The following PTPRN2 variants were observed in gnomAD, a reference collection of about 807,000 sequenced individuals.
PTPRN2 encodes protein tyrosine phosphatase receptor type N2, also known as receptor-type tyrosine-protein phosphatase N2.
Under a neutral mutation model 118.8 loss-of-function variants are expected in PTPRN2, and 74 were observed. That is an observed-to-expected ratio of 0.62 (90% CI 0.52 to 0.76). The LOEUF (loss-of-function observed/expected upper bound fraction) is 0.76. Among genes scored for constraint, PTPRN2 ranks in the 30% least tolerant of loss-of-function variants. The probability of loss-of-function intolerance (pLI) is 0.00; values close to 1 mark genes in which losing one functional copy is unlikely to be tolerated. For missense variants in PTPRN2, 1,481 were observed against 1,394.4 expected (o/e 1.06, Z -0.99); for synonymous variants, 641 against 608.0 (o/e 1.05, Z -0.80).
intron 20 of PTPRN2, among the ~76,000 whole-genome samples, chr7:157,570,327 G>A (rs1799695154): frequency 6.6e-6 from 1 of 152,114 alleles, no homozygotes; most frequent in Non-Finnish European, 1.5e-5. Flanking sequence ...TACATTTGTG[G>A]GTAAAAAAGA....
intron 15 of PTPRN2, among the ~76,000 whole-genome samples, chr7:157,612,933 C>T (rs547610554): frequency 8.5e-4 from 130 of 152,320 alleles, no homozygotes; most frequent in Non-Finnish European, 1.1e-3. Context: ...GCCGAAGGCC[C>T]CGCCTCCCCG....
chr7:157,876,328 G>T (rs944008756), intron 12 of PTPRN2, among the ~76,000 whole-genome samples: 1 of 152,178 alleles, frequency 6.6e-6, no homozygotes, highest in African/African-American at 2.4e-5. Flanking sequence ...TTCTGGAAGC[G>T]AATTCCCAGC....
intron 13 of PTPRN2, 69 bp from the exon 14 acceptor site, chr7:157,656,620 G>A (rs938858610): frequency 7.3e-5 from 101 of 1,375,314 alleles, no homozygotes; most frequent in Non-Finnish European, 9.1e-5. Context: ...CGAGGGCCAC[G>A]GCACCCACGT....
chr7:157,790,050 TTG>T (rs1363647579), intron 12 of PTPRN2, among the ~76,000 whole-genome samples: 1 of 66,128 alleles, frequency 1.5e-5, no homozygotes, highest in African/African-American at 6.2e-5. Context: ...TGTGTGGTGT[TTG>T]TGTGGTGTGA....
At chr7:158,142,024 C>G (rs1819432667) in intron 6 of PTPRN2, among the ~76,000 whole-genome samples, 1 of 152,228 alleles carries the variant, frequency 6.6e-6, no homozygotes, top group Non-Finnish European at 1.5e-5. Context: ...GTTCGGCAGA[C>G]AGTGGCGGCT....
At chr7:158,302,158 G>A (rs1453990248) in intron 3 of PTPRN2, among the ~76,000 whole-genome samples, 1 of 152,188 alleles carries the variant, frequency 6.6e-6, no homozygotes, top group African/African-American at 2.4e-5. Context: ...ATTCAGGGTG[G>A]TGGGTACTGT....
At chr7:158,037,604 A>G (rs929956911) in intron 11 of PTPRN2, among the ~76,000 whole-genome samples, 6 of 152,268 alleles carry the variant, frequency 3.9e-5, no homozygotes, top group African/African-American at 9.6e-5. Context: ...GTATGTGATT[A>G]TAATCTTAGG....
chr7:158,169,642 T>A (rs1329251953), intron 5 of PTPRN2, among the ~76,000 whole-genome samples: 1 of 152,058 alleles, frequency 6.6e-6, no homozygotes, highest in African/African-American at 2.4e-5. Flanking sequence ...ACTTGACCCC[T>A]AAAGACTCAA....
At chr7:157,599,302 G>T (rs962097895) in intron 16 of PTPRN2, among the ~76,000 whole-genome samples, 1 of 152,150 alleles carries the variant, frequency 6.6e-6, no homozygotes, top group Non-Finnish European at 1.5e-5. Flanking sequence ...AAGCCACTGC[G>T]CCTGGCTTAC....
chr7:158,540,536 A>G (rs960283936), intron 1 of PTPRN2, among the ~76,000 whole-genome samples: 2 of 152,040 alleles, frequency 1.3e-5, no homozygotes, highest in South Asian at 4.1e-4. Context: ...GCACATGGCC[A>G]AGGGGGGGTT....
chr7:157,981,558 G>T (rs1223393703), intron 11 of PTPRN2, among the ~76,000 whole-genome samples: 1 of 152,000 alleles, frequency 6.6e-6, no homozygotes, highest in African/African-American at 2.4e-5. Context: ...CTTTCATTCA[G>T]TTAATTTAAC....
Position 157,784,922 on chromosome 7 carries a change from C to T in PTPRN2, c.1789-101985G>A, listed in dbSNP as rs961155833. On this transcript the variant is annotated intron_variant, in intron 12 of 22. Coordinates refer to ENST00000389418, the MANE Select transcript of PTPRN2 (RefSeq NM_002847.5). The surrounding 1 kb of genome is among the most constrained non-coding windows in gnomAD (Gnocchi z 4.6). ...GCAGCTGTTTCTCTGAGGAAACGCGCCCCTCCCCAGTGGCCAGGTGAGCAG... is the reference window on the plus strand; with the variant it reads ...GCAGCTGTTTCTCTGAGGAAACGCGTCCCTCCCCAGTGGCCAGGTGAGCAG... Among the ~76,000 whole-genome samples the T allele has an allele frequency of 1.3e-5, 2 of 152,150 alleles. No homozygotes were observed. The highest frequency in any genetic ancestry group is 2.9e-5 in the Non-Finnish European group (2 of 68,024).
At chr7:158,184,522 T>C (rs781355519) in intron 5 of PTPRN2, among the ~76,000 whole-genome samples, 5 of 152,232 alleles carry the variant, frequency 3.3e-5, no homozygotes, top group Admixed American at 6.5e-5. Flanking sequence ...GGTTATGTAA[T>C]CTGAATGCCT....
intron 12 of PTPRN2, among the ~76,000 whole-genome samples, chr7:157,744,451 A>G (rs1362355784): frequency 6.6e-6 from 1 of 152,180 alleles, no homozygotes; most frequent in African/African-American, 2.4e-5. Flanking sequence ...CCATTACACA[A>G]CGATGGAATC....
At chr7:158,518,660 G>A (rs1823746637) in intron 1 of PTPRN2, among the ~76,000 whole-genome samples, 1 of 152,178 alleles carries the variant, frequency 6.6e-6, no homozygotes, top group Non-Finnish European at 1.5e-5. Flanking sequence ...CCTTCCCCAA[G>A]GCTAAGGGTC....
intron 12 of PTPRN2, among the ~76,000 whole-genome samples, chr7:157,726,799 TCAA>T (rs1253478349): frequency 9.2e-5 from 14 of 152,176 alleles, no homozygotes; most frequent in African/African-American, 3.1e-4. Flanking sequence ...CTTCCACAAC[TCAA>T]CTACAATAAC....
chr7:158,290,877 A>G (rs1401531237), intron 3 of PTPRN2, among the ~76,000 whole-genome samples: 1 of 152,218 alleles, frequency 6.6e-6, no homozygotes, highest in Non-Finnish European at 1.5e-5. Context: ...TGAGCAATGG[A>G]GAGTCCTCTC....
rs560753898 is a variant in PTPRN2 at position 158,555,941 on chromosome 7, G to A, written c.112+31617C>T. On this transcript the variant is annotated intron_variant, in intron 1 of 22. Transcript: ENST00000389418. This position sits in a 1 kb window ranked among gnomAD's most constrained non-coding sequence, Gnocchi z 4.7. The stretch of plus-strand genomic sequence containing the variant: ...AAAATAAATCTTCACTAGGTACAGA[G>A]TTGGCACCAAATGGCTTTCTCCTAC... Among the ~76,000 whole-genome samples, 22 of 152,360 alleles carry A rather than the reference G, an allele frequency of 1.4e-4. No homozygotes were observed. Among genetic ancestry groups the A allele is most frequent in the African/African-American group, 5.3e-4 (22 of 41,590 alleles).
chr7:157,910,364 C>T (rs1219725786), intron 11 of PTPRN2, among the ~76,000 whole-genome samples: 2 of 147,832 alleles, frequency 1.4e-5, no homozygotes, highest in Non-Finnish European at 3.0e-5. Flanking sequence ...GGATCAGGCA[C>T]GTACGCCGGA....
Sources: allele counts gnomAD v4.1 joint callset (sites outside exome capture counted in the v4.1 genomes callset), GRCh38; gene constraint gnomAD v4.1.1; non-coding constraint Gnocchi (gnomAD v3.1); transcripts MANE v1.5; gene names NCBI Gene and HGNC (gene_info 2026-07-23, HGNC 2026-07-21).